Variants in NPRL3 observed in about 807,000 individuals in gnomAD.
NPRL3 encodes NPR3 like, GATOR1 complex subunit, also known as GATOR1 complex protein NPRL3.
NPRL3 carries 23 observed loss-of-function variants against 57.2 expected under a neutral mutation model. The ratio of observed to expected loss-of-function variants is 0.40; its 90% CI spans 0.29 to 0.57. The LOEUF (loss-of-function observed/expected upper bound fraction) is 0.57. Among genes scored for constraint, NPRL3 ranks in the 20% least tolerant of loss-of-function variants. The pLI, the probability that NPRL3 is intolerant of heterozygous loss-of-function variation, is 0.42. For synonymous variants in NPRL3, 333 were observed against 321.1 expected, an observed-to-expected ratio of 1.04 and a Z score of -0.39; for missense variants, 691 against 767.1, an observed-to-expected ratio of 0.90 and a Z score of 1.17.
intron 2 of NPRL3, among the ~76,000 whole-genome samples, chr16:134,196 A>G (rs1900944970): frequency 6.6e-6 from 1 of 152,170 alleles, no homozygotes; most frequent in South Asian, 2.1e-4. Flanking sequence ...TGTAGAAAAC[A>G]CAATAAAGTG....
intron 5 of NPRL3, among the ~76,000 whole-genome samples, chr16:116,003 C>T (rs555635020): frequency 3.9e-5 from 6 of 152,208 alleles, no homozygotes; most frequent in Non-Finnish European, 8.8e-5. Flanking sequence ...GAAATCTTTA[C>T]GCAGTTGTAA....
chr16:133,903 G>C (rs922492750), intron 2 of NPRL3, among the ~76,000 whole-genome samples: 1 of 152,198 alleles, frequency 6.6e-6, no homozygotes, highest in Non-Finnish European at 1.5e-5. Flanking sequence ...TAAGGGAACA[G>C]GGTGGTCCAA....
chr16:102,393 T>G (rs1472735957), intron 7 of NPRL3, among the ~76,000 whole-genome samples: 1 of 152,190 alleles, frequency 6.6e-6, no homozygotes, highest in Non-Finnish European at 1.5e-5. Context: ...CCTACTCTTG[T>G]CAAGGCCTGG....
intron 2 of NPRL3, among the ~76,000 whole-genome samples, chr16:137,169 G>A (rs547934587): frequency 1.6e-4 from 25 of 151,886 alleles, no homozygotes; most frequent in Admixed American, 6.6e-4. Context: ...GCAGTGAGCC[G>A]AGATCACGCC....
chr16:97,021 G>C (rs551542504), intron 9 of NPRL3, among the ~76,000 whole-genome samples: 16 of 152,356 alleles, frequency 1.1e-4, no homozygotes, highest in African/African-American at 3.1e-4. Flanking sequence ...GAGGGACCCA[G>C]GCGGGCCCAC....
intron 5 of NPRL3, among the ~76,000 whole-genome samples, chr16:116,153 G>C (rs925476692): frequency 2.0e-5 from 3 of 151,958 alleles, no homozygotes; most frequent in Non-Finnish European, 4.4e-5. Flanking sequence ...CCCGAGGTGA[G>C]GGCCTGCTTA....
intron 3 of NPRL3, among the ~76,000 whole-genome samples, chr16:128,232 G>A (rs1900631599): frequency 6.6e-6 from 1 of 152,202 alleles, no homozygotes. Flanking sequence ...TGATCCATCT[G>A]CCTGGGACTC....
intron 3 of NPRL3, among the ~76,000 whole-genome samples, chr16:129,861 A>G (rs1051804585): frequency 5.9e-5 from 9 of 152,182 alleles, no homozygotes; most frequent in Non-Finnish European, 1.2e-4. Context: ...AACCCAGGGC[A>G]GGTAACTCAC....
chr16:89,925 C>A, intron 11 of NPRL3, 23 bp from the exon 12 acceptor site: 1 of 1,537,446 alleles, frequency 6.5e-7, no homozygotes, highest in Non-Finnish European at 8.8e-7. Context: ...GCAGGTGAGG[C>A]TGGTCCCCCT....
At chr16:103,086 G>A (rs1041159685) in intron 7 of NPRL3, among the ~76,000 whole-genome samples, 1 of 151,980 alleles carries the variant, frequency 6.6e-6, no homozygotes, top group Non-Finnish European at 1.5e-5. Context: ...GTGGCCCCAT[G>A]CACTGTGCTG....
At chr16:114,029 G>A (rs555751664) in intron 5 of NPRL3, among the ~76,000 whole-genome samples, 37 of 152,284 alleles carry the variant, frequency 2.4e-4, no homozygotes, top group African/African-American at 8.9e-4. Context: ...GGGACCAGAG[G>A]GCTGACATAT....
intron 5 of NPRL3, among the ~76,000 whole-genome samples, chr16:114,285 G>A (rs1222231631): frequency 3.3e-5 from 5 of 152,128 alleles, no homozygotes; most frequent in Non-Finnish European, 7.4e-5. Flanking sequence ...CAGCATGTCC[G>A]GTTTGCAAAG....
chr16:105,104 C>T (rs1899471280), intron 7 of NPRL3, among the ~76,000 whole-genome samples: 1 of 152,202 alleles, frequency 6.6e-6, no homozygotes, highest in Non-Finnish European at 1.5e-5. Context: ...CAGCCCCTCA[C>T]ACAGCTCTGG....
chr16:92,793 G>A, intron 10 of NPRL3, 68 bp from the exon 11 acceptor site: 2 of 1,585,608 alleles, frequency 1.3e-6, no homozygotes, highest in Non-Finnish European at 1.7e-6. Flanking sequence ...ACTGGCCTCA[G>A]TGGGCAGCAG....
chr16:116,257 GTTA>G, intron 5 of NPRL3, among the ~76,000 whole-genome samples: 1 of 152,284 alleles, frequency 6.6e-6, no homozygotes, highest in East Asian at 1.9e-4. Context: ...TCCCACAGGG[GTTA>G]TCGGTGTTGA....
At chr16:98,124 T>C in intron 9 of NPRL3, 21 bp downstream of exon 9, 2 of 1,608,772 alleles carry the variant, frequency 1.2e-6, no homozygotes, top group Non-Finnish European at 1.7e-6. Flanking sequence ...ATGCCACCCA[T>C]CTGGGCCTCC....
intron 2 of NPRL3, among the ~76,000 whole-genome samples, chr16:133,580 A>C (rs1327139990): frequency 6.6e-6 from 1 of 152,174 alleles, no homozygotes; most frequent in Non-Finnish European, 1.5e-5. Context: ...TATGTTGCCC[A>C]GGCTAGATTT....
At position 107,524 on chromosome 16, in the gene NPRL3, G is replaced by C. The variant is rs377037485; in HGVS notation, c.629+3001C>G. ...CCAGGCATGGTGATGTGCACCTGTA[G>C]TCCCAGCTACTCGGGAGGCTGAGGC... On this transcript the variant is annotated intron_variant, in intron 7 of 13. Transcript: ENST00000611875. Among the ~76,000 whole-genome samples, 14 of 146,920 alleles carry C rather than the reference G, an allele frequency of 9.5e-5. No individual in the cohort carries two copies. In the East Asian group the frequency reaches 1.2e-3, roughly 13 times the overall value.
chr16:130,351 G>A (rs1047592309), intron 3 of NPRL3, among the ~76,000 whole-genome samples, 171 bp downstream of exon 3: 1 of 152,142 alleles, frequency 6.6e-6, no homozygotes, highest in Non-Finnish European at 1.5e-5. Flanking sequence ...GCAAGCCCCA[G>A]ACTGTCTACG....
Sources: gnomAD v4.1 joint callset for allele counts (sites outside exome capture counted in the v4.1 genomes callset) on GRCh38, gnomAD v4.1.1 for gene constraint, MANE v1.5 for transcripts, NCBI Gene and HGNC (gene_info 2026-07-23, HGNC 2026-07-21) for gene names.